The following COL26A1 variants were observed in gnomAD, a reference collection of about 807,000 sequenced individuals.
COL26A1 encodes collagen type XXVI alpha 1 chain, also known as collagen alpha-1(XXVI) chain.
Under a neutral mutation model 59.3 loss-of-function variants are expected in COL26A1, and 41 were observed. That is an observed-to-expected ratio of 0.69 (90% CI 0.54 to 0.90). The LOEUF is 0.90. Among genes scored for constraint, COL26A1 ranks in the 40% least tolerant of loss-of-function variants. The pLI, the probability that COL26A1 is intolerant of heterozygous loss-of-function variation, is 0.00. For missense variants in COL26A1, 612 were observed against 602.3 expected (o/e 1.02, Z -0.17); for synonymous variants, 266 against 256.0 (o/e 1.04, Z -0.37).
intron 2 of COL26A1, among the ~76,000 whole-genome samples, chr7:101,445,915 G>T (rs1231411513): frequency 6.6e-6 from 1 of 150,882 alleles, no homozygotes; most frequent in African/African-American, 2.4e-5. Flanking sequence ...GAGAGTGGTG[G>T]CATGTGCCTG....
At chr7:101,385,208 A>G (rs1294189025) in intron 1 of COL26A1, among the ~76,000 whole-genome samples, 1 of 39,786 alleles carries the variant, frequency 2.5e-5, no homozygotes, top group Non-Finnish European at 4.6e-5. Context: ...ATTTGACACT[A>G]TATATACACA....
rs1163241459 is a variant in COL26A1 at position 101,539,943 on chromosome 7, G to A, written c.498G>A (p.Leu166=). The A allele has an allele frequency of 6.2e-7, 1 of 1,613,632 alleles. No individual in the cohort carries two copies. The highest frequency in any genetic ancestry group is 1.7e-5 in the Admixed American group (1 of 59,992). Reference sequence around the variant, plus strand: ...GGCCCTCCAGCCCGGACAACGACCTGCCAGCCCCCGAGAGCACTCCGCCGA... The same window carrying A: ...GGCCCTCCAGCCCGGACAACGACCTACCAGCCCCCGAGAGCACTCCGCCGA... The part of the protein sequence containing the change: ...AERPSSPDND[L]PAPESTPPTW... Residue 166 remains leucine (L), a synonymous_variant, in exon 5 of 13, where the codon CTG becomes CTA. Transcript: ENST00000313669.
intron 1 of COL26A1, among the ~76,000 whole-genome samples, chr7:101,402,258 C>G (rs1310369710): frequency 1.3e-5 from 2 of 152,188 alleles, no homozygotes; most frequent in Non-Finnish European, 2.9e-5. Context: ...CAGTCAGTCC[C>G]TTTCAGCAGT....
chr7:101,419,602 C>T (rs556133283), intron 1 of COL26A1, among the ~76,000 whole-genome samples: 19 of 152,308 alleles, frequency 1.2e-4, no homozygotes, highest in Admixed American at 7.2e-4. Context: ...GCCTGCTGGG[C>T]GAGATGCCCT....
At chr7:101,517,791 T>A (rs894212348) in intron 3 of COL26A1, among the ~76,000 whole-genome samples, 1 of 128,878 alleles carries the variant, frequency 7.8e-6, no homozygotes. Flanking sequence ...GCTTCCCTTC[T>A]CCCCGCATTT....
chr7:101,366,916 A>G (rs1721659282), intron 1 of COL26A1, among the ~76,000 whole-genome samples: 1 of 152,052 alleles, frequency 6.6e-6, no homozygotes, highest in Non-Finnish European at 1.5e-5. Flanking sequence ...CCTTTGAGAG[A>G]GTACTTTTTC....
intron 3 of COL26A1, 127 bp downstream of exon 3, chr7:101,447,914 A>G: frequency 1.5e-6 from 1 of 666,488 alleles, no homozygotes; most frequent in Non-Finnish European, 2.7e-6. Flanking sequence ...TCCTTTTCCC[A>G]ATCGCCTCTG....
chr7:101,394,963 T>C (rs540527929), intron 1 of COL26A1, among the ~76,000 whole-genome samples: 1 of 134,448 alleles, frequency 7.4e-6, no homozygotes, highest in East Asian at 2.5e-4. Flanking sequence ...AACCTCTGCC[T>C]CCCAGGTTAA....
intron 3 of COL26A1, among the ~76,000 whole-genome samples, chr7:101,470,202 C>T (rs955139799): frequency 1.3e-5 from 2 of 151,090 alleles, no homozygotes; most frequent in African/African-American, 4.9e-5. Context: ...CAGGTTCAAG[C>T]GATTCTACTG....
At chr7:101,379,155 C>T (rs1791389782) in intron 1 of COL26A1, among the ~76,000 whole-genome samples, 1 of 152,178 alleles carries the variant, frequency 6.6e-6, no homozygotes, top group Non-Finnish European at 1.5e-5. Context: ...GACTTGGCCA[C>T]ACGGCTGATG....
chr7:101,483,142 G>C (rs1343154460), intron 3 of COL26A1, among the ~76,000 whole-genome samples: 1 of 151,878 alleles, frequency 6.6e-6, no homozygotes, highest in East Asian at 1.9e-4. Flanking sequence ...AAGAAAATGG[G>C]GCATTTAGTC....
chr7:101,435,594 T>C (rs1792895572), intron 2 of COL26A1, among the ~76,000 whole-genome samples: 2 of 152,084 alleles, frequency 1.3e-5, no homozygotes, highest in Non-Finnish European at 2.9e-5. Context: ...AGTGGGGACG[T>C]TGGGCGTCAC....
rs868326218 is a variant in COL26A1, at chr7:101,551,124, G to A, written c.1010G>A (p.Arg337Gln). Reference protein sequence around the residue: ...TPGSQGLAGERGTVGPSGEPG... With the variant: ...TPGSQGLAGEQGTVGPSGEPG... ...TTTCTGCAGGGCCTGGCTGGAGAGC[G>A]AGGCACAGTGGGGCCGTCCGTAAGT... Residue 337 changes from arginine to glutamine, a missense_variant, in exon 10 of 13, where the codon CGA becomes CAA. Arg to Gln is a conservative substitution (Grantham distance 43). Coordinates refer to ENST00000313669, the MANE Select transcript of COL26A1 (RefSeq NM_001278563.3). 3.8e-6 allele frequency: 6 copies of A among 1,559,620 alleles called. No homozygotes were observed. The highest frequency in any genetic ancestry group is 8.7e-7 in the Non-Finnish European group (1 of 1,151,794).
chr7:101,453,621 C>T (rs1295795704), intron 3 of COL26A1, among the ~76,000 whole-genome samples: 1 of 152,032 alleles, frequency 6.6e-6, no homozygotes, highest in Non-Finnish European at 1.5e-5. Flanking sequence ...GGTTAAGTGA[C>T]TCTTCTAGCT....
At chr7:101,421,461 G>A (rs1792516543) in intron 2 of COL26A1, among the ~76,000 whole-genome samples, 1 of 152,040 alleles carries the variant, frequency 6.6e-6, no homozygotes, top group Non-Finnish European at 1.5e-5. Flanking sequence ...GATCACTTGA[G>A]GTCAGGACTT....
chr7:101,544,825 A>G (rs188066479), intron 6 of COL26A1, among the ~76,000 whole-genome samples: 1 of 152,162 alleles, frequency 6.6e-6, no homozygotes, highest in Non-Finnish European at 1.5e-5. Flanking sequence ...GAGCCACAAC[A>G]CCTGGCCAAA....
chr7:101,535,588 CG>C (rs1421039156), intron 4 of COL26A1, among the ~76,000 whole-genome samples: 4 of 152,184 alleles, frequency 2.6e-5, no homozygotes, highest in Admixed American at 2.6e-4. Flanking sequence ...GCAGCAGGCC[CG>C]GGGCAGAGCT....
chr7:101,381,533 G>A (rs987941405), intron 1 of COL26A1, among the ~76,000 whole-genome samples: 1 of 152,174 alleles, frequency 6.6e-6, no homozygotes, highest in African/African-American at 2.4e-5. Flanking sequence ...AGGCTGGGAA[G>A]TCCAAAAGCC....
intron 3 of COL26A1, among the ~76,000 whole-genome samples, chr7:101,482,019 CTT>C: frequency 6.9e-6 from 1 of 143,918 alleles, no homozygotes; most frequent in Admixed American, 7.0e-5. Context: ...ACTCTTTTTC[CTT>C]TTTTTTTTTT....
Sources: allele counts gnomAD v4.1 joint callset (sites outside exome capture counted in the v4.1 genomes callset), GRCh38; gene constraint gnomAD v4.1.1; transcripts MANE v1.5; gene names NCBI Gene and HGNC (gene_info 2026-07-23, HGNC 2026-07-21).